The following HEATR5B variants were observed in gnomAD, a reference collection of about 807,000 sequenced individuals.
HEATR5B encodes HEAT repeat-containing protein 5B.
A neutral mutation model predicts 224.1 loss-of-function variants in HEATR5B; 156 were observed. The ratio of observed to expected loss-of-function variants is 0.70; its 90% CI spans 0.61 to 0.80. The LOEUF is 0.80. Among genes scored for constraint, HEATR5B ranks in the 30% least tolerant of loss-of-function variants. The probability of loss-of-function intolerance (pLI) is 0.00; values close to 1 mark genes in which losing one functional copy is unlikely to be tolerated. For missense variants in HEATR5B, 2,323 were observed against 2,535.5 expected (o/e 0.92, Z 1.80); for synonymous variants, 1,027 against 893.0 (o/e 1.15, Z -2.68).
chr2:37,005,874 A>C, intron 29 of HEATR5B, 115 bp from the exon 30 acceptor site: 1 of 776,244 alleles, frequency 1.3e-6, no homozygotes. Flanking sequence ...TGTATTTATT[A>C]ATACCTTAAA....
At chr2:37,057,239 T>A (rs1670968077) in intron 15 of HEATR5B, 78 bp downstream of exon 15, 2 of 1,117,756 alleles carry the variant, frequency 1.8e-6, no homozygotes, top group Admixed American at 5.8e-5. Flanking sequence ...ATACACTATT[T>A]TCTTTTTAAG....
In HEATR5B at chr2:37,064,821, G is replaced by A; in HGVS notation, c.1503C>T (p.Val501=). The A allele has an allele frequency of 6.2e-7, 1 of 1,613,986 alleles. No individual in the cohort carries two copies. Among genetic ancestry groups the A allele is most frequent in the Non-Finnish European group, 8.5e-7 (1 of 1,179,980 alleles). The change falls in exon 10 of 36, where the codon GTC becomes GTT. Residue 501 remains valine (V), a synonymous_variant. Coordinates refer to ENST00000233099, the MANE Select transcript of HEATR5B (RefSeq NM_019024.3). The stretch of plus-strand genomic sequence containing the variant: ...CAGCCATTGCAAAACTATATCCACT[G>A]ACAGCTTCTGGTGAGGTCTTCAAGT... ...LNNLKTSPEA[V]SGYSFAMAAL... is the part of the protein sequence containing the mutation.
intron 18 of HEATR5B, among the ~76,000 whole-genome samples, chr2:37,041,516 C>A (rs1489749233): frequency 6.6e-6 from 1 of 152,106 alleles, no homozygotes; most frequent in Non-Finnish European, 1.5e-5. Context: ...GAGGCTGAGG[C>A]CGGTGGATCA....
chr2:37,069,188 A>C (rs1333990958), intron 7 of HEATR5B, among the ~76,000 whole-genome samples: 2 of 152,232 alleles, frequency 1.3e-5, no homozygotes, highest in East Asian at 3.8e-4. Flanking sequence ...GAGGGAAGGG[A>C]AGCTGAATTT....
chr2:37,003,825 A>T (rs970239535), intron 30 of HEATR5B, 139 bp from the exon 31 acceptor site: 4 of 498,084 alleles, frequency 8.0e-6, no homozygotes, highest in Middle Eastern at 4.4e-4. Flanking sequence ...CGTAACAAAT[A>T]AGAACATTGT....
chr2:37,072,250 A>G lies in HEATR5B; in HGVS notation c.629T>C (p.Phe210Ser), dbSNP rs963617706. The change falls in exon 6 of 36, where the codon TTT (phenylalanine) becomes TCT (serine). Residue 210 changes from phenylalanine to serine, a missense_variant. Phe to Ser is a radical substitution (Grantham distance 155). Coordinates refer to ENST00000233099, the MANE Select transcript of HEATR5B (RefSeq NM_019024.3). ...CLLELQNEAVFMWTAELENIA... is the reference protein window; with the variant it reads ...CLLELQNEAVSMWTAELENIA... ...ATTTTCTAGTTCAGCAGTCCACATA[A>G]ATACAGCTTCATTCTGTAGTTCTAG... 1.9e-6 allele frequency: 3 copies of G among 1,613,520 alleles called. No homozygotes were observed. Among genetic ancestry groups the G allele is most frequent in the Non-Finnish European group, 2.5e-6 (3 of 1,179,600 alleles).
rs145067790 is a variant in HEATR5B, at chr2:37,038,608, C to G, written c.3047-584G>C. On this transcript the variant is annotated intron_variant, in intron 20 of 35. Coordinates refer to ENST00000233099, the MANE Select transcript of HEATR5B (RefSeq NM_019024.3). ...CGTCTTCATATCCCTGTGACATTCA[C>G]AGGAAGAACTATCCTCACTTTCCCA... 9.0e-3 allele frequency among the ~76,000 whole-genome samples: 1,367 copies of G among 152,312 alleles called. 10 individuals are homozygous for G. The highest frequency in any genetic ancestry group is 0.014 in the Non-Finnish European group (985 of 68,034).
rs1258269213 is a variant in HEATR5B at position 37,058,984 on chromosome 2, A to G, written c.1853T>C (p.Met618Thr). 3.8e-6 allele frequency: 6 copies of G among 1,599,474 alleles called. No individual in the cohort carries two copies. In the South Asian group the frequency reaches 4.5e-5, roughly 12 times the overall value. ...LEGRAGALCA[M>T]RSFVAHCPEL... ...AGGACAATGTGCAACGAAGCTCCTCATGGCTAGATAAAATGTTTAAAAGGA... is the reference window on the plus strand; with the variant it reads ...AGGACAATGTGCAACGAAGCTCCTCGTGGCTAGATAAAATGTTTAAAAGGA... The change falls in exon 13 of 36, where the codon ATG (methionine) becomes ACG (threonine). Residue 618 changes from methionine (M) to threonine (T), a missense_variant. Around this residue, in one of 12 missense-constraint regions of HEATR5B, gnomAD observed 502 missense variants for 517.8 expected, o/e 0.97. Transcript: ENST00000233099.
intron 20 of HEATR5B, among the ~76,000 whole-genome samples, chr2:37,039,766 T>C (rs1669761030): frequency 6.6e-6 from 1 of 152,198 alleles, no homozygotes; most frequent in Non-Finnish European, 1.5e-5. Context: ...TTAGTAGAAT[T>C]AGCTCAGTGG....
intron 6 of HEATR5B, among the ~76,000 whole-genome samples, chr2:37,070,897 G>T (rs573922148): frequency 1.3e-5 from 2 of 152,314 alleles, no homozygotes; most frequent in African/African-American, 4.8e-5. Flanking sequence ...TGCAGAGGAG[G>T]TATAAAGCTC....
intron 24 of HEATR5B, among the ~76,000 whole-genome samples, chr2:37,022,954 A>C (rs1668553822): frequency 6.6e-6 from 1 of 152,182 alleles, no homozygotes; most frequent in Non-Finnish European, 1.5e-5. Context: ...AATATGTCTC[A>C]CAACAAAGAG....
In HEATR5B at chr2:37,041,676, G is replaced by A. The variant is rs917294424; in HGVS notation, c.2697-384C>T. Among the ~76,000 whole-genome samples the A allele has an allele frequency of 1.4e-4, 21 of 152,200 alleles. No individual in the cohort carries two copies. The East Asian group carries it at 4.0e-3, about 29-fold the overall frequency. On this transcript the variant is annotated intron_variant, in intron 18 of 35. Transcript: ENST00000233099. ...TGAGAGGACTGCTTGAGCCTGACAGGTGAGGCTGCAGTGAGCTGTGATCAC... is the reference window on the plus strand; with the variant it reads ...TGAGAGGACTGCTTGAGCCTGACAGATGAGGCTGCAGTGAGCTGTGATCAC...
rs752025102 is a variant in HEATR5B at position 37,003,657 on chromosome 2, C to G, written c.4935G>C (p.Leu1645Phe). ...QLIGVELLSV[L>F]HRLLLTWNPS... ...GATTCCAGGTCAATAGAAGGCGGTG[C>G]AAAACACTCAGCAACTCAACACCTA... Residue 1645 changes from leucine (L) to phenylalanine (F), a missense_variant, in exon 31 of 36, where the codon TTG (leucine) becomes TTC (phenylalanine). Coordinates refer to ENST00000233099, the MANE Select transcript of HEATR5B (RefSeq NM_019024.3). The G allele has an allele frequency of 6.2e-7, 1 of 1,610,508 alleles. No individual in the cohort carries two copies. The highest frequency in any genetic ancestry group is 1.1e-5 in the South Asian group (1 of 90,432).
At chr2:37,009,312 G>A (rs942223868) in intron 27 of HEATR5B, among the ~76,000 whole-genome samples, 1 of 150,866 alleles carries the variant, frequency 6.6e-6, no homozygotes, top group Non-Finnish European at 1.5e-5. Context: ...CAGGTGCAGT[G>A]GCTCATGCCT....
intron 16 of HEATR5B, 80 bp downstream of exon 16, chr2:37,056,360 T>G: frequency 1.1e-6 from 1 of 952,376 alleles, no homozygotes; most frequent in Non-Finnish European, 1.5e-6. Context: ...TATTGCAGAG[T>G]TAACTGGGAT....
intron 26 of HEATR5B, among the ~76,000 whole-genome samples, chr2:37,014,515 G>GTTAAGTA (rs1667991927): frequency 6.6e-6 from 1 of 151,858 alleles, no homozygotes; most frequent in Admixed American, 6.6e-5. Flanking sequence ...CTCCTACGTA[G>GTTAAGTA]AAAACAAAAT....
intron 18 of HEATR5B, among the ~76,000 whole-genome samples, chr2:37,046,552 T>C (rs1206835213): frequency 6.7e-6 from 1 of 148,572 alleles, no homozygotes; most frequent in Non-Finnish European, 1.5e-5. Flanking sequence ...GGCACAAGAA[T>C]CACTTGAACC....
chr2:37,011,033 T>A (rs1232345060), intron 27 of HEATR5B, among the ~76,000 whole-genome samples: 1 of 152,230 alleles, frequency 6.6e-6, no homozygotes, highest in African/African-American at 2.4e-5. Flanking sequence ...CTTTAATTAT[T>A]TATCTTCTAC....
In HEATR5B at chr2:37,034,834, A is replaced by G. The variant is rs550888679; in HGVS notation, c.3217-2061T>C. Among the ~76,000 whole-genome samples the G allele has an allele frequency of 2.0e-5, 3 of 152,118 alleles. No homozygotes were observed. In the South Asian group the frequency reaches 6.2e-4, roughly 32 times the overall value. On this transcript the variant is annotated intron_variant, in intron 21 of 35. Coordinates refer to ENST00000233099, the MANE Select transcript of HEATR5B (RefSeq NM_019024.3). ...TGGGCTCCCAAAGCACTGGGATTAC[A>G]GGTGTGAGCCACCGCACCCAGCCAA...
Sources: allele counts gnomAD v4.1 joint callset (sites outside exome capture counted in the v4.1 genomes callset), GRCh38; gene constraint gnomAD v4.1.1; regional missense constraint gnomAD v4.1.1; transcripts MANE v1.5; gene names NCBI Gene and HGNC (gene_info 2026-07-23, HGNC 2026-07-21).